Variants in ZBED4 observed in about 807,000 individuals in gnomAD.
The protein encoded by ZBED4 is zinc finger BED-type containing 4, also known as zinc finger BED domain-containing protein 4.
Under a neutral mutation model 15.5 loss-of-function variants are expected in ZBED4, and 4 were observed. The observed-to-expected ratio is 0.26, with a 90% CI of 0.13 to 0.59. ZBED4 has a LOEUF of 0.59. Ranked by LOEUF, ZBED4 falls within the 20% of genes least tolerant of loss-of-function variation. The probability of loss-of-function intolerance (pLI) is 0.90; values close to 1 mark genes in which losing one functional copy is unlikely to be tolerated. For missense variants in ZBED4, 1,323 were observed against 1,461.8 expected (o/e 0.91, Z 1.55); for synonymous variants, 692 against 608.5 (o/e 1.14, Z -2.02).
intron 1 of ZBED4, among the ~76,000 whole-genome samples, chr22:49,878,126 G>A (rs1330190478): frequency 1.3e-5 from 2 of 152,032 alleles, no homozygotes; most frequent in African/African-American, 4.8e-5. Context: ...CCAACGTGGT[G>A]AAACACCGTC....
chr22:49,884,096 G>A lies in ZBED4; in HGVS notation c.434G>A (p.Arg145Lys). 1 of 1,613,160 alleles carries A rather than the reference G, an allele frequency of 6.2e-7. No individual in the cohort carries two copies. Among genetic ancestry groups the A allele is most frequent in the Non-Finnish European group, 8.5e-7 (1 of 1,179,616 alleles). Residue 145 changes from arginine (R) to lysine (K), a missense_variant, in exon 2 of 2, where the codon AGA (arginine) becomes AAA (lysine). This residue lies in a region of ZBED4 where 380 missense variants were observed against 413.7 expected (regional missense o/e 0.92). Coordinates refer to ENST00000216268, the MANE Select transcript of ZBED4 (RefSeq NM_014838.3). The part of the protein sequence containing the change: ...ICMYCVKEFS[R>K]GKNEKDLSTS... ...ATGTACTGTGTGAAGGAGTTCAGCA[G>A]AGGCAAAAACGAGAAAGACTTGAGT...
At chr22:49,855,103 C>T (rs1442817726) in intron 1 of ZBED4, among the ~76,000 whole-genome samples, 1 of 152,130 alleles carries the variant, frequency 6.6e-6, no homozygotes, top group Non-Finnish European at 1.5e-5. Context: ...TGATTCCATA[C>T]TCCGAGGGTT....
Position 49,886,158 on chromosome 22 carries a change from G to A in ZBED4, c.2496G>A (p.Val832=). The part of the protein sequence containing the change: ...HSSVQCFSHT[V]NLIVSEAIKS... The stretch of plus-strand genomic sequence containing the variant: ...GCGTGCAGTGCTTCAGCCATACGGT[G>A]AACCTGATCGTCAGCGAGGCCATTA... Residue 832 remains valine (V), a synonymous_variant, in exon 2 of 2, where the codon GTG becomes GTA. Transcript: ENST00000216268. This position sits in a 1 kb window ranked among gnomAD's most constrained non-coding sequence, Gnocchi z 7.7. 1.4e-6 allele frequency: 1 copy of A among 695,232 alleles called. No homozygotes were observed. The highest frequency in any genetic ancestry group is 1.6e-5 in the South Asian group (1 of 60,696). The allele number at this position is 695,232 out of a possible 1,614,324, so 43.1% of individuals were successfully genotyped here.
chr22:49,874,003 A>T (rs952702669), intron 1 of ZBED4, among the ~76,000 whole-genome samples: 13 of 152,238 alleles, frequency 8.5e-5, no homozygotes, highest in Admixed American at 8.5e-4. Context: ...AATGAGCTTG[A>T]GTCCTGTGAC....
intron 1 of ZBED4, among the ~76,000 whole-genome samples, chr22:49,864,834 A>AG (rs2060312677): frequency 6.1e-5 from 9 of 147,296 alleles, no homozygotes; most frequent in African/African-American, 2.4e-4. Context: ...AAAAAAAAAA[A>AG]AAAAAGCCCT....
chr22:49,885,543 C>T lies in ZBED4; in HGVS notation c.1881C>T (p.Thr627=). Residue 627 remains threonine (T), a synonymous_variant, in exon 2 of 2, where the codon ACC becomes ACT. Coordinates refer to ENST00000216268, the MANE Select transcript of ZBED4 (RefSeq NM_014838.3). Reference sequence around the variant, plus strand: ...CGGCTCGGCCCTCCTCTCCGGACACCCGGGTGCCGCGGGGCACAGAATTAT... The same window carrying T: ...CGGCTCGGCCCTCCTCTCCGGACACTCGGGTGCCGCGGGGCACAGAATTAT... ...SETARPSSPD[T]RVPRGTELSG... 2 of 1,606,318 alleles carry T rather than the reference C, an allele frequency of 1.2e-6. No homozygotes were observed. Among genetic ancestry groups the T allele is most frequent in the South Asian group, 1.1e-5 (1 of 90,982 alleles).
chr22:49,867,491 C>T lies in ZBED4; in HGVS notation c.-330+13502C>T, dbSNP rs527242353. ...CTAGTTCTGGGTGGCCTGGTAGGCC[C>T]AGCAGCTTCTCTTCATGGGAGTTTT... On this transcript the variant is annotated intron_variant, in intron 1 of 1. Transcript: ENST00000216268. 2.0e-5 allele frequency among the ~76,000 whole-genome samples: 3 copies of T among 152,348 alleles called. No homozygotes were observed. The South Asian group carries it at 6.2e-4, about 32-fold the overall frequency.
chr22:49,888,548 C>A lies in ZBED4; in HGVS notation c.*1370C>A, dbSNP rs775100108. 5.6e-4 allele frequency: 94 copies of A among 167,264 alleles called. No homozygotes were observed. Among genetic ancestry groups the A allele is most frequent in the Non-Finnish European group, 8.2e-4 (56 of 68,136 alleles). 10.4% of individuals were successfully genotyped at this position (167,264 alleles called of 1,614,324 possible). On this transcript the variant is annotated 3_prime_UTR_variant, in exon 2 of 2. Coordinates refer to ENST00000216268, the MANE Select transcript of ZBED4 (RefSeq NM_014838.3). ...TACTTGGGCAGCATTTGAAATTTCA[C>A]CTTAACCCCAGACAGGGCTCCAGGG...
Position 49,887,274 on chromosome 22 carries a change from A to T in ZBED4, c.*96A>T. 1 of 1,339,088 alleles carries T rather than the reference A, an allele frequency of 7.5e-7. No individual in the cohort carries two copies. The highest frequency in any genetic ancestry group is 1.0e-6 in the Non-Finnish European group (1 of 977,820). 83.0% of individuals were successfully genotyped at this position (1,339,088 alleles called of 1,614,324 possible). A position where few individuals can be genotyped will look rare whatever the true frequency, so the allele number is the denominator to read the frequency against. ...CCCGCTCTGCCCACGGCTGTGTACGACATCAGACCAGGCACTCTCAGGGCC... is the reference window on the plus strand; with the variant it reads ...CCCGCTCTGCCCACGGCTGTGTACGTCATCAGACCAGGCACTCTCAGGGCC... On this transcript the variant is annotated 3_prime_UTR_variant, in exon 2 of 2. Coordinates refer to ENST00000216268, the MANE Select transcript of ZBED4 (RefSeq NM_014838.3).
upstream of ZBED4, chr22:49,853,826 C>G (rs2060262043): frequency 7.0e-6 from 1 of 143,712 alleles, no homozygotes; most frequent in Non-Finnish European, 1.5e-5. Context: ...CCGCGCCGCG[C>G]GGGGCCCTGG....
chr22:49,861,975 A>C lies in ZBED4; in HGVS notation c.-330+7986A>C, dbSNP rs188812054. Among the ~76,000 whole-genome samples, 277 of 152,294 alleles carry C rather than the reference A, an allele frequency of 1.8e-3. 2 individuals carry two copies. Among genetic ancestry groups the C allele is most frequent in the Admixed American group, 5.6e-3 (86 of 15,290 alleles). ...CCGCACAGGCCTGCACCCTGTCAGC[A>C]CTGTGGGAGAGGGCCTGACCAACAG... On this transcript the variant is annotated intron_variant, in intron 1 of 1. Coordinates refer to ENST00000216268, the MANE Select transcript of ZBED4 (RefSeq NM_014838.3).
chr22:49,859,151 G>A (rs1434644275), intron 1 of ZBED4, among the ~76,000 whole-genome samples: 1 of 152,132 alleles, frequency 6.6e-6, no homozygotes, highest in East Asian at 1.9e-4. Flanking sequence ...CTTGGCTTTA[G>A]TATGCTGTTG....
rs2060432403 is a variant in ZBED4 at position 49,885,333 on chromosome 22, C to G, written c.1671C>G (p.Ser557Arg). Residue 557 changes from serine (S) to arginine (R), a missense_variant, in exon 2 of 2, where the codon AGC (serine) becomes AGG (arginine). By Grantham distance (110) the Ser-to-Arg change is moderately radical. This residue lies in a region of ZBED4 where 429 missense variants were observed against 397.9 expected (regional missense o/e 1.08). Transcript: ENST00000216268. ...ATCAAGTTATGTTTCCTGTTAATAG[C>G]AAAAAGACCTCGAAGCTGTGGAATC... is the stretch of plus-strand genomic sequence containing the variant. The part of the protein sequence containing the change: ...KNNQVMFPVN[S>R]KKTSKLWNHF... 1 of 1,589,714 alleles carries G rather than the reference C, an allele frequency of 6.3e-7. No individual in the cohort carries two copies.
intron 1 of ZBED4, among the ~76,000 whole-genome samples, chr22:49,871,139 C>T (rs2147520606): frequency 1.0e-4 from 1 of 9,766 alleles, no homozygotes; most frequent in East Asian, 4.8e-3. Context: ...TGGGGTTTCA[C>T]CCTGTTGGCC....
Position 49,885,231 on chromosome 22 carries a change from T to C in ZBED4, c.1569T>C (p.Ser523=), listed in dbSNP as rs61731525. 0.012 allele frequency: 19,152 copies of C among 1,611,934 alleles called. 377 individuals carry two copies. The highest frequency in any genetic ancestry group is 0.067 in the South Asian group (6,100 of 90,916). ...KGFLGASLAN[S]PYATLASAES... is the part of the protein sequence containing the mutation. Reference sequence around the variant, plus strand: ...TCCTGGGTGCAAGTCTGGCAAACTCTCCGTATGCCACTTTGGCCTCTGCAG... The same window carrying C: ...TCCTGGGTGCAAGTCTGGCAAACTCCCCGTATGCCACTTTGGCCTCTGCAG... The change falls in exon 2 of 2, where the codon TCT becomes TCC. Residue 523 remains serine (S), a synonymous_variant. Transcript: ENST00000216268.
Position 49,883,773 on chromosome 22 carries a change from G to A in ZBED4, c.111G>A (p.Leu37=), listed in dbSNP as rs754259206. ...ATGATGGAATTCCTCCTGATAGTTT[G>A]GAAAGAATGGACTTTAAAAGCGAGC... The part of the protein sequence containing the change: ...EDDDGIPPDS[L]ERMDFKSEQE... Residue 37 remains leucine (L), a synonymous_variant, in exon 2 of 2, where the codon TTG becomes TTA. Coordinates refer to ENST00000216268, the MANE Select transcript of ZBED4 (RefSeq NM_014838.3). 1 of 1,613,316 alleles carries A rather than the reference G, an allele frequency of 6.2e-7. No individual in the cohort carries two copies.
At chr22:49,878,629 G>C (rs1337362796) in intron 1 of ZBED4, among the ~76,000 whole-genome samples, 1 of 152,188 alleles carries the variant, frequency 6.6e-6, no homozygotes, top group African/African-American at 2.4e-5. Flanking sequence ...ACAGAAGAAA[G>C]TCTTTGAATT....
At chr22:49,877,736 G>T (rs775217755) in intron 1 of ZBED4, among the ~76,000 whole-genome samples, 4 of 152,040 alleles carry the variant, frequency 2.6e-5, no homozygotes, top group Non-Finnish European at 5.9e-5. Flanking sequence ...ATATGGACAT[G>T]CTTGTGTATC....
At chr22:49,856,101 A>G (rs2060273753) in intron 1 of ZBED4, among the ~76,000 whole-genome samples, 2 of 152,174 alleles carry the variant, frequency 1.3e-5, no homozygotes, top group Non-Finnish European at 2.9e-5. Flanking sequence ...GTTTTTCTAC[A>G]TTCTGCAGTA....
Sources: allele counts gnomAD v4.1 joint callset (sites outside exome capture counted in the v4.1 genomes callset), GRCh38; gene constraint gnomAD v4.1.1; regional missense constraint gnomAD v4.1.1; non-coding constraint Gnocchi (gnomAD v3.1); transcripts MANE v1.5; gene names NCBI Gene and HGNC (gene_info 2026-07-23, HGNC 2026-07-21).